The following NRXN3 variants were observed in gnomAD, a reference collection of about 807,000 sequenced individuals.
The protein encoded by NRXN3 is neurexin 3, also known as neurexin III.
NRXN3 carries 32 observed loss-of-function variants against 137.6 expected under a neutral mutation model. That is an observed-to-expected ratio of 0.23 (90% CI 0.18 to 0.31). The LOEUF (loss-of-function observed/expected upper bound fraction) is 0.31. NRXN3 is among the 10% of genes least tolerant of loss of function. NRXN3 has a pLI of 1.00. For missense variants in NRXN3, 1,574 were observed against 2,062.5 expected, an observed-to-expected ratio of 0.76 and a Z score of 4.59; for synonymous variants, 798 against 784.5, an observed-to-expected ratio of 1.02 and a Z score of -0.29.
rs146190104 is a variant in NRXN3, at chr14:78,992,288, A to G, written c.3262+4147A>G. Among the ~76,000 whole-genome samples, 1,365 of 152,294 alleles carry G rather than the reference A, an allele frequency of 9.0e-3. 5 individuals carry two copies. The highest frequency in any genetic ancestry group is 0.024 in the Middle Eastern group (7 of 294). Reference sequence around the variant, plus strand: ...GAAAACATAAGTAACATTCTCCAAGATAATCTTCAGTTCTCGTGAAACATT... The same window carrying G: ...GAAAACATAAGTAACATTCTCCAAGGTAATCTTCAGTTCTCGTGAAACATT... On this transcript the variant is annotated intron_variant, in intron 15 of 20. Transcript: ENST00000335750.
At chr14:78,372,437 G>A (rs961553679) in intron 4 of NRXN3, among the ~76,000 whole-genome samples, 6 of 152,008 alleles carry the variant, frequency 3.9e-5, no homozygotes, top group African/African-American at 1.5e-4. Context: ...CAATTCTCCT[G>A]CCTCAGCCTC....
At chr14:79,671,895 A>G (rs2098609655) in intron 17 of NRXN3, among the ~76,000 whole-genome samples, 1 of 152,086 alleles carries the variant, frequency 6.6e-6, no homozygotes, top group South Asian at 2.1e-4. Flanking sequence ...AATACATAAA[A>G]CATTTGAGGT....
chr14:78,903,053 TC>T (rs2099202198), intron 10 of NRXN3, among the ~76,000 whole-genome samples: 2 of 151,952 alleles, frequency 1.3e-5, no homozygotes, highest in African/African-American at 4.8e-5. Context: ...TCCACAAGTT[TC>T]CACTTTGTAC....
intron 15 of NRXN3, among the ~76,000 whole-genome samples, chr14:79,405,198 A>G (rs2095286150): frequency 6.6e-6 from 1 of 152,198 alleles, no homozygotes; most frequent in South Asian, 2.1e-4. Flanking sequence ...AAAGGCAGGA[A>G]TTATAGCACA....
intron 4 of NRXN3, among the ~76,000 whole-genome samples, chr14:78,343,900 A>T (rs2082413476): frequency 6.6e-6 from 1 of 152,194 alleles, no homozygotes; most frequent in African/African-American, 2.4e-5. Flanking sequence ...GGTTGAACAC[A>T]TGGCTTTAAG....
chr14:78,633,100 A>G (rs991844606), intron 4 of NRXN3, among the ~76,000 whole-genome samples: 74 of 151,366 alleles, frequency 4.9e-4, no homozygotes, highest in Non-Finnish European at 9.0e-4. Context: ...AAAATTAAAA[A>G]AAAAATTAGC....
chr14:79,688,456 A>T (rs1253155983), intron 17 of NRXN3, among the ~76,000 whole-genome samples: 1 of 152,178 alleles, frequency 6.6e-6, no homozygotes. Flanking sequence ...GCAGTGTTGT[A>T]AAAGTTATTT....
At chr14:78,234,002 G>A (rs2065835331) in intron 1 of NRXN3, among the ~76,000 whole-genome samples, 1 of 152,152 alleles carries the variant, frequency 6.6e-6, no homozygotes, top group African/African-American at 2.4e-5. Context: ...GAATCATGGG[G>A]GCAGATCTTT....
intron 4 of NRXN3, among the ~76,000 whole-genome samples, chr14:78,615,650 C>T (rs1363417151): frequency 6.6e-6 from 1 of 151,744 alleles, no homozygotes; most frequent in Non-Finnish European, 1.5e-5. Context: ...AAACTAAGAT[C>T]CAGGATGGGT....
At chr14:79,848,777 T>C (rs937658756) in intron 20 of NRXN3, among the ~76,000 whole-genome samples, 6 of 152,118 alleles carry the variant, frequency 3.9e-5, no homozygotes, top group Non-Finnish European at 7.4e-5. Context: ...ATCTTCTGGG[T>C]GATCTGATCC....
chr14:78,363,724 A>G (rs2085482262), intron 4 of NRXN3, among the ~76,000 whole-genome samples: 1 of 152,182 alleles, frequency 6.6e-6, no homozygotes, highest in Non-Finnish European at 1.5e-5. Context: ...TCTTCCATGC[A>G]TCCACTGTGA....
rs535599636 is a variant in NRXN3, at chr14:78,998,332, T to C, written c.3262+10191T>C. Among the ~76,000 whole-genome samples, 28 of 152,314 alleles carry C rather than the reference T, an allele frequency of 1.8e-4. 2 individuals carry two copies. In the South Asian group the frequency reaches 5.6e-3, roughly 30 times the overall value. ...AGACATAACATGTAATGGGCTGTGCTTCAAGCCGCAAATTCTAAGGGTTTT... is the reference window on the plus strand; with the variant it reads ...AGACATAACATGTAATGGGCTGTGCCTCAAGCCGCAAATTCTAAGGGTTTT... On this transcript the variant is annotated intron_variant, in intron 15 of 20. Transcript: ENST00000335750.
intron 1 of NRXN3, among the ~76,000 whole-genome samples, chr14:78,188,268 T>G (rs1189905683): frequency 6.6e-6 from 1 of 152,126 alleles, no homozygotes; most frequent in African/African-American, 2.4e-5. Flanking sequence ...GGCTTAGAGG[T>G]CAAGTGATTT....
chr14:79,620,618 G>A (rs150388597), intron 16 of NRXN3, among the ~76,000 whole-genome samples: 85 of 152,228 alleles, frequency 5.6e-4, no homozygotes, highest in African/African-American at 1.9e-3. Context: ...TGAATGAATG[G>A]AAAACTGATG....
chr14:79,135,655 C>T (rs2058143912), intron 15 of NRXN3, among the ~76,000 whole-genome samples: 1 of 152,316 alleles, frequency 6.6e-6, no homozygotes, highest in African/African-American at 2.4e-5. Context: ...TGTTGACTCT[C>T]ATTTGAATTA....
At chr14:78,797,752 TCA>T (rs2153068450) in intron 8 of NRXN3, among the ~76,000 whole-genome samples, 1 of 152,272 alleles carries the variant, frequency 6.6e-6, no homozygotes, top group South Asian at 2.1e-4. Flanking sequence ...TTTAATGGAC[TCA>T]CAATTCCATG....
intron 19 of NRXN3, among the ~76,000 whole-genome samples, chr14:79,770,933 T>C (rs1027634136): frequency 2.8e-4 from 43 of 152,024 alleles, no homozygotes; most frequent in African/African-American, 9.7e-4. Flanking sequence ...TAAAAAATGA[T>C]AAAGAAGATA....
chr14:78,679,369 G>A (rs1469950329), intron 6 of NRXN3, among the ~76,000 whole-genome samples: 1 of 151,946 alleles, frequency 6.6e-6, no homozygotes, highest in Non-Finnish European at 1.5e-5. Context: ...ACCCTTTTTT[G>A]TGTTAGTCTT....
At chr14:79,389,259 C>T (rs1312527612) in intron 15 of NRXN3, among the ~76,000 whole-genome samples, 1 of 152,172 alleles carries the variant, frequency 6.6e-6, no homozygotes, top group Non-Finnish European at 1.5e-5. Flanking sequence ...AAGTCCAGAT[C>T]AGTTGGGTGG....
Sources: allele counts gnomAD v4.1 joint callset (sites outside exome capture counted in the v4.1 genomes callset), GRCh38; gene constraint gnomAD v4.1.1; transcripts MANE v1.5; gene names NCBI Gene and HGNC (gene_info 2026-07-23, HGNC 2026-07-21).